Variants in C1orf87 observed in about 807,000 individuals in gnomAD.
C1orf87 encodes chromosome 1 open reading frame 87.
A neutral mutation model predicts 60.5 loss-of-function variants in C1orf87; 58 were observed. The observed-to-expected ratio is 0.96, with a 90% CI of 0.78 to 1.19. The LOEUF (loss-of-function observed/expected upper bound fraction) is 1.19. C1orf87 is among the 50% of genes most tolerant of loss of function. The pLI is 0.00. For missense variants in C1orf87, 673 were observed against 638.6 expected (o/e 1.05, Z -0.58); for synonymous variants, 236 against 227.4 (o/e 1.04, Z -0.34).
chr1:60,034,954 A>G (rs148430002), intron 6 of C1orf87, among the ~76,000 whole-genome samples: 65 of 151,674 alleles, frequency 4.3e-4, no homozygotes, highest in African/African-American at 1.5e-3. Context: ...TAGGACTCTC[A>G]CACAAGTTTT....
At chr1:60,005,770 C>CGTGTGTGTGTGTGT (rs139222813) in intron 9 of C1orf87, among the ~76,000 whole-genome samples, 10 of 144,014 alleles carry the variant, frequency 6.9e-5, no homozygotes, top group African/African-American at 2.6e-4. Context: ...GAAGCTGATT[C>CGTGTGTGTGTGTGT]GTGTGTGTGT....
intron 11 of C1orf87, among the ~76,000 whole-genome samples, chr1:59,991,984 T>C (rs1644926946): frequency 6.6e-6 from 1 of 152,142 alleles, no homozygotes; most frequent in Non-Finnish European, 1.5e-5. Flanking sequence ...GGAGAGAAGT[T>C]ATTCAGAAAA....
chr1:60,044,991 G>A (rs368853925), intron 3 of C1orf87, among the ~76,000 whole-genome samples: 6 of 152,298 alleles, frequency 3.9e-5, no homozygotes, highest in Non-Finnish European at 4.4e-5. Flanking sequence ...ACTTGCAAGA[G>A]TTGGAAATGT....
chr1:60,018,326 A>G (rs1030911438), intron 8 of C1orf87, among the ~76,000 whole-genome samples: 2 of 152,184 alleles, frequency 1.3e-5, no homozygotes, highest in African/African-American at 4.8e-5. Flanking sequence ...TTTAGTTCTT[A>G]TGGTTGTGAT....
At chr1:60,000,171 G>A (rs185389925) in intron 10 of C1orf87, among the ~76,000 whole-genome samples, 98 of 152,190 alleles carry the variant, frequency 6.4e-4, no homozygotes, top group African/African-American at 2.3e-3. Flanking sequence ...GATTTTCTCA[G>A]GGACAATAGG....
chr1:60,020,970 C>T lies in C1orf87; in HGVS notation c.1127+4431G>A, dbSNP rs537418679. 2.0e-5 allele frequency among the ~76,000 whole-genome samples: 3 copies of T among 152,202 alleles called. No individual in the cohort carries two copies. In the East Asian group the frequency reaches 5.8e-4, roughly 29 times the overall value. ...GATTGGATCATGAGGGCAGATTTCC[C>T]CCATGCTGTTCTTGTGATGGTGAGT... On this transcript the variant is annotated intron_variant, in intron 8 of 11. Coordinates refer to ENST00000371201, the MANE Select transcript of C1orf87 (RefSeq NM_152377.3).
At chr1:60,001,705 C>G (rs1645006654) in intron 9 of C1orf87, among the ~76,000 whole-genome samples, 1 of 152,098 alleles carries the variant, frequency 6.6e-6, no homozygotes, top group African/African-American at 2.4e-5. Flanking sequence ...GTGGTCCTGC[C>G]TCTTAAGAAC....
chr1:60,072,685 A>G lies in C1orf87; in HGVS notation c.-27-15T>C. The G allele has an allele frequency of 7.2e-7, 1 of 1,392,972 alleles. No individual in the cohort carries two copies. The allele number at this position is 1,392,972 out of a possible 1,614,324, so 86.3% of individuals were successfully genotyped here. The stretch of plus-strand genomic sequence containing the variant: ...CCTTCAGATCCCTAGGGGTGAAAAT[A>G]AGTAAATTGTTCCTCTTGATTTTCC... On this transcript the variant is annotated splice_polypyrimidine_tract_variant and intron_variant, in intron 1 of 11. Transcript: ENST00000371201.
At position 60,001,838 on chromosome 1, in the gene C1orf87, C is replaced by T. The variant is rs570698880; in HGVS notation, c.1193-682G>A. 1.8e-4 allele frequency among the ~76,000 whole-genome samples: 27 copies of T among 152,222 alleles called. No individual in the cohort carries two copies. In the South Asian group the frequency reaches 5.2e-3, roughly 29 times the overall value. ...CGGGAAGAGGTTGAACAGCCTCATCCCTAATCCAGTGGATTCTGTTTTCCA... is the reference window on the plus strand; with the variant it reads ...CGGGAAGAGGTTGAACAGCCTCATCTCTAATCCAGTGGATTCTGTTTTCCA... On this transcript the variant is annotated intron_variant, in intron 9 of 11. Transcript: ENST00000371201.
chr1:60,024,614 C>T (rs1645186088), intron 8 of C1orf87, among the ~76,000 whole-genome samples: 1 of 152,108 alleles, frequency 6.6e-6, no homozygotes, highest in Admixed American at 6.6e-5. Context: ...TTCTCTACTC[C>T]TCTGTGCTGT....
rs778422362 is a variant in C1orf87, at chr1:60,055,336, G to T, written c.210C>A (p.Asn70Lys). Reference sequence around the variant, plus strand: ...TATCAGTGGTTTGCTGATCAGTGAAGTTAATGGGAACTGGGGTGTCTCTGC... The same window carrying T: ...TATCAGTGGTTTGCTGATCAGTGAATTTAATGGGAACTGGGGTGTCTCTGC... ...QMSRDTPVPI[N>K]FTDQQTTDNP... Residue 70 changes from asparagine to lysine, a missense_variant, in exon 3 of 12, where the codon AAC becomes AAA. Physicochemically the swap from Asn to Lys is moderately conservative, Grantham distance 94. Coordinates refer to ENST00000371201, the MANE Select transcript of C1orf87 (RefSeq NM_152377.3). 7 of 1,613,994 alleles carry T rather than the reference G, an allele frequency of 4.3e-6. No individual in the cohort carries two copies. Among genetic ancestry groups the T allele is most frequent in the Non-Finnish European group, 5.9e-6 (7 of 1,179,996 alleles).
In C1orf87 at chr1:60,001,168, T is replaced by TAA. The variant is rs35944236; in HGVS notation, c.1193-14_1193-13dup. On this transcript the variant is annotated splice_polypyrimidine_tract_variant and intron_variant, in intron 9 of 11. Coordinates refer to ENST00000371201, the MANE Select transcript of C1orf87 (RefSeq NM_152377.3). ...CTTTTCATTCTTCCCTGAACAAGAA[T>TAA]AAAAAAAAAAAAAGGAAGGGTTTAG... 193 of 1,287,678 alleles carry TAA rather than the reference T, an allele frequency of 1.5e-4. No individual in the cohort carries two copies. Among genetic ancestry groups the TAA allele is most frequent in the South Asian group, 4.4e-4 (29 of 65,698 alleles). 79.8% of individuals were successfully genotyped at this position (1,287,678 alleles called of 1,614,324 possible). A position where few individuals can be genotyped will look rare whatever the true frequency, so the allele number is the denominator to read the frequency against.
intron 9 of C1orf87, among the ~76,000 whole-genome samples, chr1:60,002,382 A>G (rs1276817953): frequency 1.3e-5 from 2 of 152,104 alleles, no homozygotes; most frequent in Non-Finnish European, 2.9e-5. Flanking sequence ...ATGGACTAGA[A>G]AGTGTAAAGC....
intron 8 of C1orf87, among the ~76,000 whole-genome samples, chr1:60,017,080 G>A (rs569671469): frequency 6.6e-6 from 1 of 152,258 alleles, no homozygotes; most frequent in African/African-American, 2.4e-5. Flanking sequence ...ATTGGTTTTA[G>A]CCTCTCTGTG....
rs757086689 is a variant in C1orf87 at position 60,041,068 on chromosome 1, C to T, written c.406G>A (p.Val136Met). The change falls in exon 4 of 12, where the codon GTG becomes ATG. Residue 136 changes from valine to methionine, a missense_variant. Physicochemically the swap from Val to Met is conservative, Grantham distance 21. Transcript: ENST00000371201. ...VPTGDQSLSY[V>M]HGIPRRKLRD... ...AGCTTTCTCCTGGGAATGCCATGCA[C>T]ATAGGATAAGGACTGGTCTCCGGTT... The T allele has an allele frequency of 8.7e-6, 14 of 1,613,398 alleles. No homozygotes were observed. The highest frequency in any genetic ancestry group is 1.1e-5 in the Non-Finnish European group (13 of 1,179,492).
chr1:60,027,686 A>G (rs1645209102), intron 7 of C1orf87, among the ~76,000 whole-genome samples: 1 of 152,024 alleles, frequency 6.6e-6, no homozygotes, highest in African/African-American at 2.4e-5. Context: ...GTTCCTGTGT[A>G]TAGAGGAGAA....
At chr1:60,024,297 C>A (rs1037174178) in intron 8 of C1orf87, among the ~76,000 whole-genome samples, 1 of 152,050 alleles carries the variant, frequency 6.6e-6, no homozygotes, top group Non-Finnish European at 1.5e-5. Context: ...ATTTTCAAGC[C>A]TTGTTAGAGT....
chr1:59,996,265 A>G (rs144767747), intron 11 of C1orf87, among the ~76,000 whole-genome samples: 1 of 152,322 alleles, frequency 6.6e-6, no homozygotes, highest in African/African-American at 2.4e-5. Flanking sequence ...CATGAACCAC[A>G]GTATGTAAAT....
intron 10 of C1orf87, among the ~76,000 whole-genome samples, chr1:60,000,615 T>A (rs1023785945): frequency 2.0e-5 from 3 of 152,070 alleles, no homozygotes; most frequent in Admixed American, 2.0e-4. Context: ...CTTGCCAGAT[T>A]TTTTTCTTTC....
Sources: gnomAD v4.1 joint callset for allele counts (sites outside exome capture counted in the v4.1 genomes callset) on GRCh38, gnomAD v4.1.1 for gene constraint, MANE v1.5 for transcripts, NCBI Gene and HGNC (gene_info 2026-07-23, HGNC 2026-07-21) for gene names.